Variants in SUSD4 observed in about 807,000 individuals in gnomAD.
The protein encoded by SUSD4 is sushi domain containing 4.
Under a neutral mutation model 50.5 loss-of-function variants are expected in SUSD4, and 41 were observed. The observed-to-expected ratio is 0.81, with a 90% CI of 0.63 to 1.05. SUSD4 has a LOEUF of 1.05. Ranked by LOEUF, SUSD4 falls within the 50% of genes least tolerant of loss-of-function variation. SUSD4 has a pLI of 0.00. For synonymous variants in SUSD4, 257 were observed against 257.3 expected (o/e 1.00, Z 0.01); for missense variants, 580 against 634.7 (o/e 0.91, Z 0.93).
chr1:223,321,293 C>T (rs967496357), intron 2 of SUSD4, among the ~76,000 whole-genome samples: 4 of 152,182 alleles, frequency 2.6e-5, no homozygotes, highest in African/African-American at 7.2e-5. Context: ...GACCTGCATG[C>T]GATCCTGACT....
intron 2 of SUSD4, among the ~76,000 whole-genome samples, chr1:223,357,925 G>T (rs1236282098): frequency 6.6e-6 from 1 of 152,092 alleles, no homozygotes; most frequent in African/African-American, 2.4e-5. Flanking sequence ...CAATTCAGAG[G>T]CAATGATCCC....
intron 4 of SUSD4, 53 bp downstream of exon 4, chr1:223,268,449 T>G: frequency 6.4e-7 from 1 of 1,568,528 alleles, no homozygotes; most frequent in Non-Finnish European, 8.6e-7. Flanking sequence ...CAGTCTACAA[T>G]AAAGTCCGAG....
intron 2 of SUSD4, among the ~76,000 whole-genome samples, chr1:223,330,680 T>G (rs924346983): frequency 2.6e-5 from 4 of 152,206 alleles, no homozygotes; most frequent in Admixed American, 2.6e-4. Context: ...TAATGTACAG[T>G]TAGCACCCCA....
At chr1:223,236,131 T>A (rs1378754098) in intron 5 of SUSD4, among the ~76,000 whole-genome samples, 3 of 152,264 alleles carry the variant, frequency 2.0e-5, no homozygotes, top group African/African-American at 7.2e-5. Flanking sequence ...TCTTTTCATA[T>A]GCTTGTTTGC....
At chr1:223,244,952 G>T (rs1660821117) in intron 5 of SUSD4, among the ~76,000 whole-genome samples, 1 of 152,102 alleles carries the variant, frequency 6.6e-6, no homozygotes, top group Admixed American at 6.6e-5. Flanking sequence ...TAGATGAGCT[G>T]TCCAGGAAAG....
chr1:223,270,178 T>C (rs910472050), intron 3 of SUSD4, among the ~76,000 whole-genome samples: 9 of 152,268 alleles, frequency 5.9e-5, no homozygotes, highest in African/African-American at 2.2e-4. Flanking sequence ...GTGGTGGCTG[T>C]TCACTGCCTG....
intron 3 of SUSD4, among the ~76,000 whole-genome samples, chr1:223,291,284 G>A (rs979135817): frequency 1.4e-4 from 21 of 151,966 alleles, no homozygotes; most frequent in Non-Finnish European, 2.4e-4. Flanking sequence ...CATGAGCTCA[G>A]GAGTTTGAGA....
At chr1:223,226,589 C>T (rs954425585) in intron 7 of SUSD4, among the ~76,000 whole-genome samples, 1 of 152,230 alleles carries the variant, frequency 6.6e-6, no homozygotes, top group Non-Finnish European at 1.5e-5. Context: ...GAGCAACACA[C>T]TGCATTTTCC....
chr1:223,332,687 C>T lies in SUSD4; in HGVS notation c.148+30591G>A, dbSNP rs765235167. On this transcript the variant is annotated intron_variant, in intron 2 of 8. Transcript: ENST00000366878. The surrounding 1 kb of genome is among the most constrained non-coding windows in gnomAD (Gnocchi z 4.0). ...CTGCGGGTAGCCGTGGGGAGACAGG[C>T]ATCTCCTCGGACAAGCCTCTCCTTC... is the stretch of plus-strand genomic sequence containing the variant. Among the ~76,000 whole-genome samples the T allele has an allele frequency of 1.8e-4, 28 of 152,138 alleles. No individual in the cohort carries two copies. Among genetic ancestry groups the T allele is most frequent in the Non-Finnish European group, 3.8e-4 (26 of 68,036 alleles).
chr1:223,325,599 T>C (rs1442920705), intron 2 of SUSD4, among the ~76,000 whole-genome samples: 2 of 152,210 alleles, frequency 1.3e-5, no homozygotes, highest in African/African-American at 4.8e-5. Context: ...TTGCAGATGA[T>C]ATTATCATAT....
At chr1:223,300,188 C>T (rs1036408430) in intron 2 of SUSD4, among the ~76,000 whole-genome samples, 28 of 152,172 alleles carry the variant, frequency 1.8e-4, no homozygotes, top group African/African-American at 6.5e-4. Context: ...ACACCCTCTC[C>T]ATTACTGGCA....
At chr1:223,318,762 C>A (rs1241000265) in intron 2 of SUSD4, among the ~76,000 whole-genome samples, 3 of 150,576 alleles carry the variant, frequency 2.0e-5, no homozygotes, top group Non-Finnish European at 4.4e-5. Context: ...CCATCCCCAT[C>A]AAGCTACCAA....
At chr1:223,262,101 G>A (rs1418602651) in intron 5 of SUSD4, among the ~76,000 whole-genome samples, 1 of 152,182 alleles carries the variant, frequency 6.6e-6, no homozygotes, top group African/African-American at 2.4e-5. Context: ...CTGGCTCACA[G>A]CAGGTTAGAA....
intron 5 of SUSD4, among the ~76,000 whole-genome samples, chr1:223,234,474 C>CTA (rs1365744556): frequency 2.0e-5 from 3 of 152,184 alleles, no homozygotes; most frequent in African/African-American, 7.2e-5. Flanking sequence ...GGCCGTGTCT[C>CTA]TAGAGTTTTT....
intron 2 of SUSD4, among the ~76,000 whole-genome samples, chr1:223,319,898 A>T (rs1239531033): frequency 2.0e-5 from 3 of 152,210 alleles, no homozygotes; most frequent in African/African-American, 7.2e-5. Context: ...AAGGGCTCGA[A>T]GCCAATCAGA....
intron 3 of SUSD4, among the ~76,000 whole-genome samples, chr1:223,289,602 T>C (rs979184548): frequency 6.6e-6 from 1 of 152,174 alleles, no homozygotes; most frequent in African/African-American, 2.4e-5. Flanking sequence ...GACTGACCCA[T>C]GGTGTGAAAG....
At chr1:223,272,087 C>T (rs941780344) in intron 3 of SUSD4, among the ~76,000 whole-genome samples, 1 of 152,256 alleles carries the variant, frequency 6.6e-6, no homozygotes, top group South Asian at 2.1e-4. Context: ...CTTAGCCAGG[C>T]GTGGTGGCAC....
In SUSD4 at chr1:223,229,095, G is replaced by T; in HGVS notation, c.916+102C>A. 8.4e-7 allele frequency: 1 copy of T among 1,197,192 alleles called. No individual in the cohort carries two copies. The highest frequency in any genetic ancestry group is 1.2e-6 in the Non-Finnish European group (1 of 851,212). The allele number at this position is 1,197,192 out of a possible 1,614,324, so 74.2% of individuals were successfully genotyped here. On this transcript the variant is annotated intron_variant, in intron 6 of 8. Transcript: ENST00000366878. This position sits in a 1 kb window ranked among gnomAD's most constrained non-coding sequence, Gnocchi z 4.7. ...TTCGATATCCTGTTCCTGACACTGGGTGGGGGAGGAGAGATACAGCTTGGT... is the reference window on the plus strand; with the variant it reads ...TTCGATATCCTGTTCCTGACACTGGTTGGGGGAGGAGAGATACAGCTTGGT...
intron 2 of SUSD4, among the ~76,000 whole-genome samples, chr1:223,314,182 G>A (rs916022034): frequency 2.6e-5 from 4 of 152,034 alleles, no homozygotes; most frequent in African/African-American, 4.8e-5. Flanking sequence ...TTACCATCAC[G>A]TAGTTCTGTG....
Sources: gnomAD v4.1 joint callset for allele counts (sites outside exome capture counted in the v4.1 genomes callset) on GRCh38, gnomAD v4.1.1 for gene constraint, Gnocchi (gnomAD v3.1) non-coding constraint, MANE v1.5 for transcripts, NCBI Gene and HGNC (gene_info 2026-07-23, HGNC 2026-07-21) for gene names.